The following CNIH3 variants were observed in gnomAD, a reference collection of about 807,000 sequenced individuals.
The protein encoded by CNIH3 is protein cornichon homolog 3.
Under a neutral mutation model 24.1 loss-of-function variants are expected in CNIH3, and 14 were observed. The ratio of observed to expected loss-of-function variants is 0.58; its 90% CI spans 0.38 to 0.91. The LOEUF is 0.91. Ranked by LOEUF, CNIH3 falls within the 40% of genes least tolerant of loss-of-function variation. The pLI, the probability that CNIH3 is intolerant of heterozygous loss-of-function variation, is 0.00. For synonymous variants in CNIH3, 68 were observed against 73.8 expected (o/e 0.92, Z 0.40); for missense variants, 178 against 196.8 (o/e 0.90, Z 0.57).
intron 3 of CNIH3, among the ~76,000 whole-genome samples, chr1:224,712,265 A>C (rs34278554): frequency 0.2 from 29,881 of 152,090 alleles, 3,168 homozygotes; most frequent in African/African-American, 0.3. Context: ...CACCCTCTGG[A>C]AATTCTGAAG....
intron 3 of CNIH3, among the ~76,000 whole-genome samples, chr1:224,601,252 C>T (rs920268907): frequency 3.9e-5 from 6 of 152,170 alleles, no homozygotes; most frequent in African/African-American, 1.4e-4. Flanking sequence ...TGTCCGCATG[C>T]TCAGTGGCCT....
chr1:224,523,380 T>C (rs559322310), intron 2 of CNIH3, among the ~76,000 whole-genome samples: 1 of 152,366 alleles, frequency 6.6e-6, no homozygotes, highest in Non-Finnish European at 1.5e-5. Context: ...GAACAAACTA[T>C]TGCTATGTGC....
upstream of CNIH3, among the ~76,000 whole-genome samples, chr1:224,513,364 G>GC (rs1491557555): frequency 2.1e-5 from 1 of 48,014 alleles, no homozygotes; most frequent in Admixed American, 2.2e-4. Flanking sequence ...GGGGGTGGGA[G>GC]GGGGGGGGTC....
chr1:224,483,571 T>C lies in CNIH3; in HGVS notation n.204-32170T>C, dbSNP rs533276719. Reference sequence around the variant, plus strand: ...CACCCGGCTAATTTTTGTATTTTTTTTTTTTAGTAGAGACGAGGTCTCACT... The same window carrying C: ...CACCCGGCTAATTTTTGTATTTTTTCTTTTTAGTAGAGACGAGGTCTCACT... On this transcript the variant is annotated intron_variant and non_coding_transcript_variant, in intron 1 of 5. Transcript: ENST00000471578. Among the ~76,000 whole-genome samples the C allele has an allele frequency of 2.6e-5, 4 of 151,536 alleles. No homozygotes were observed. In the South Asian group the frequency reaches 6.3e-4, roughly 24 times the overall value.
chr1:224,683,437 G>A (rs1483130119), intron 2 of CNIH3, among the ~76,000 whole-genome samples: 1 of 152,208 alleles, frequency 6.6e-6, no homozygotes, highest in Admixed American at 6.5e-5. Flanking sequence ...TAACTCTTCT[G>A]CGAGGTCTTA....
intron 4 of CNIH3, among the ~76,000 whole-genome samples, chr1:224,567,521 A>G (rs929860037): frequency 6.6e-6 from 1 of 152,072 alleles, no homozygotes; most frequent in Non-Finnish European, 1.5e-5. Flanking sequence ...CACTATCTTT[A>G]CTCCTAGTCT....
chr1:224,560,260 G>A (rs745901362), intron 3 of CNIH3, among the ~76,000 whole-genome samples: 2 of 152,118 alleles, frequency 1.3e-5, no homozygotes, highest in Admixed American at 1.3e-4. Flanking sequence ...TGGAATTTCT[G>A]GGTCACAGGA....
intron 1 of CNIH3, among the ~76,000 whole-genome samples, chr1:224,445,874 C>T (rs1430882696): frequency 6.6e-6 from 1 of 152,174 alleles, no homozygotes; most frequent in African/African-American, 2.4e-5. Flanking sequence ...GAAGTTTCAA[C>T]GTTTTGCCTT....
Position 224,443,710 on chromosome 1 carries a change from TA to T in CNIH3, n.203+8849del, listed in dbSNP as rs202134283. Among the ~76,000 whole-genome samples, 13 of 150,756 alleles carry T rather than the reference TA, an allele frequency of 8.6e-5. No individual in the cohort carries two copies. In the East Asian group the frequency reaches 1.2e-3, roughly 13 times the overall value. On this transcript the variant is annotated intron_variant and non_coding_transcript_variant, in intron 1 of 5. Coordinates refer to the CNIH3 transcript ENST00000471578. ...ATCTATAGATATAGATATATATATA[TA>T]TTTTTTTAGGCTGCTTCTCTGAGAG...
intron 1 of CNIH3, among the ~76,000 whole-genome samples, chr1:224,642,896 A>C (rs1348806813): frequency 6.6e-6 from 1 of 152,180 alleles, no homozygotes; most frequent in Non-Finnish European, 1.5e-5. Flanking sequence ...CAGTTGGGAC[A>C]CTGTGAACTG....
intron 3 of CNIH3, among the ~76,000 whole-genome samples, chr1:224,603,838 T>C (rs1682306572): frequency 6.6e-6 from 1 of 152,240 alleles, no homozygotes; most frequent in African/African-American, 2.4e-5. Flanking sequence ...CTCTGTACAA[T>C]CAGAAGATTG....
intron 3 of CNIH3, among the ~76,000 whole-genome samples, chr1:224,562,816 G>A (rs1048143438): frequency 3.9e-5 from 6 of 152,154 alleles, no homozygotes; most frequent in African/African-American, 1.4e-4. Flanking sequence ...AGCTTCCTGA[G>A]GTCCCCACCA....
chr1:224,537,957 A>AT (rs1159134496), downstream of CNIH3, among the ~76,000 whole-genome samples: 1,756 of 148,254 alleles, frequency 0.012, 34 homozygotes, highest in African/African-American at 0.04. Flanking sequence ...TATTATTATT[A>AT]TTTTTTTTTT....
upstream of CNIH3, among the ~76,000 whole-genome samples, chr1:224,511,071 G>C (rs1024094094): frequency 1.3e-5 from 2 of 152,196 alleles, no homozygotes; most frequent in Non-Finnish European, 2.9e-5. Context: ...AGAAAGGGAG[G>C]CTGACCTCTC....
At chr1:224,694,190 C>T (rs1233586682) in intron 3 of CNIH3, among the ~76,000 whole-genome samples, 1 of 152,178 alleles carries the variant, frequency 6.6e-6, no homozygotes, top group East Asian at 1.9e-4. Flanking sequence ...GAGCCCTGGA[C>T]TTGGGAGCAT....
At chr1:224,481,458 C>G (rs982041263) in intron 1 of CNIH3, among the ~76,000 whole-genome samples, 1 of 152,182 alleles carries the variant, frequency 6.6e-6, no homozygotes, top group Non-Finnish European at 1.5e-5. Context: ...GCAGCCATAG[C>G]TGCATTAGGG....
chr1:224,677,942 G>A (rs12136553), intron 1 of CNIH3, among the ~76,000 whole-genome samples: 6,397 of 152,226 alleles, frequency 0.042, 215 homozygotes, highest in East Asian at 0.15. Flanking sequence ...ATAGTAAACC[G>A]TCTTTATAAC....
At chr1:224,524,669 A>G (rs956983569) in intron 2 of CNIH3, among the ~76,000 whole-genome samples, 1 of 152,220 alleles carries the variant, frequency 6.6e-6, no homozygotes, top group Non-Finnish European at 1.5e-5. Context: ...AATGCAAAGA[A>G]GGATGTGTAT....
rs972547806 is a variant in CNIH3, at chr1:224,458,739, C to T, written n.203+23877C>T. Among the ~76,000 whole-genome samples the T allele has an allele frequency of 6.6e-6, 1 of 152,154 alleles. No homozygotes were observed. Among genetic ancestry groups the T allele is most frequent in the Non-Finnish European group, 1.5e-5 (1 of 68,038 alleles). ...TCTTGCTTGGATCCACCCACATACC[C>T]AAATCACCATGGGTATCAGACACAC... On this transcript the variant is annotated intron_variant and non_coding_transcript_variant, in intron 1 of 5. Coordinates refer to the CNIH3 transcript ENST00000471578. This position sits in a 1 kb window ranked among gnomAD's most constrained non-coding sequence, Gnocchi z 4.3.
Sources: gnomAD v4.1 joint callset for allele counts (sites outside exome capture counted in the v4.1 genomes callset) on GRCh38, gnomAD v4.1.1 for gene constraint, Gnocchi (gnomAD v3.1) non-coding constraint, MANE v1.5 for transcripts, NCBI Gene and HGNC (gene_info 2026-07-23, HGNC 2026-07-21) for gene names.